Variants in RYR3 observed in about 807,000 individuals in gnomAD.
The protein encoded by RYR3 is ryanodine receptor 3, also known as brain ryanodine receptor-calcium release channel.
A neutral mutation model predicts 584.3 loss-of-function variants in RYR3; 207 were observed. The observed-to-expected ratio is 0.35, with a 90% CI of 0.32 to 0.40. The LOEUF (loss-of-function observed/expected upper bound fraction) is 0.40, where lower values mean the gene tolerates loss of function less well. Among genes scored for constraint, RYR3 ranks in the 10% least tolerant of loss-of-function variants. RYR3 has a pLI of 1.00. For missense variants in RYR3, 5,616 were observed against 6,089.2 expected (o/e 0.92, Z 2.59); for synonymous variants, 2,416 against 2,248.5 (o/e 1.07, Z -2.11).
At chr15:33,464,525 T>TACACAC (rs2048335526) in intron 1 of RYR3, among the ~76,000 whole-genome samples, 1 of 138,190 alleles carries the variant, frequency 7.2e-6, no homozygotes, top group Non-Finnish European at 1.6e-5. Context: ...CACATATATG[T>TACACAC]ACATTTATAT....
intron 4 of RYR3, among the ~76,000 whole-genome samples, chr15:33,532,931 A>G (rs1208035836): frequency 6.6e-6 from 1 of 152,162 alleles, no homozygotes; most frequent in African/African-American, 2.4e-5. Context: ...AGCCTGGGAA[A>G]CATAGATAGA....
intron 38 of RYR3, among the ~76,000 whole-genome samples, chr15:33,686,617 C>G (rs2065027953): frequency 6.6e-6 from 1 of 151,994 alleles, no homozygotes; most frequent in South Asian, 2.1e-4. Flanking sequence ...GGCAGAGACA[C>G]AACAAAAAAA....
In RYR3 at chr15:33,649,048, C is replaced by CT. The variant is rs771400965; in HGVS notation, c.3979-23dup. 8.2e-6 allele frequency: 13 copies of CT among 1,586,688 alleles called. No individual in the cohort carries two copies. In the Admixed American group the frequency reaches 2.2e-4, roughly 27 times the overall value. ...CTGGATGGGGGCTGGGGGCCATTGA[C>CT]TCCCCTCTGCGGTCTCTCCACAGCA... On this transcript the variant is annotated intron_variant, in intron 30 of 103. Transcript: ENST00000634891.
intron 1 of RYR3, among the ~76,000 whole-genome samples, chr15:33,433,497 CAA>C (rs2045383752): frequency 6.6e-6 from 1 of 151,560 alleles, no homozygotes; most frequent in Admixed American, 6.6e-5. Context: ...ATGATACACT[CAA>C]AGAAATTAAA....
chr15:33,701,372 C>T (rs2066290025), intron 42 of RYR3, among the ~76,000 whole-genome samples: 1 of 152,128 alleles, frequency 6.6e-6, no homozygotes, highest in Non-Finnish European at 1.5e-5. Flanking sequence ...CCGGTGGTTC[C>T]TAATAAAGTT....
intron 3 of RYR3, among the ~76,000 whole-genome samples, chr15:33,513,849 C>T (rs112175987): frequency 2.0e-5 from 3 of 152,150 alleles, no homozygotes; most frequent in South Asian, 2.1e-4. Context: ...CAGTGTCTAC[C>T]CGTGATGAAG....
chr15:33,394,319 A>G (rs1345678810), intron 1 of RYR3, among the ~76,000 whole-genome samples: 1 of 152,204 alleles, frequency 6.6e-6, no homozygotes, highest in Admixed American at 6.5e-5. Flanking sequence ...AGAATTCAAC[A>G]TTGTTTAAAA....
At chr15:33,809,318 G>A (rs928981985) in intron 70 of RYR3, among the ~76,000 whole-genome samples, 12 of 152,110 alleles carry the variant, frequency 7.9e-5, no homozygotes, top group East Asian at 1.9e-4. Flanking sequence ...ACCTCATAGC[G>A]TAAAGCTTTG....
intron 1 of RYR3, among the ~76,000 whole-genome samples, chr15:33,355,557 A>G (rs560436032): frequency 8.0e-4 from 122 of 152,370 alleles, no homozygotes; most frequent in African/African-American, 2.9e-3. Flanking sequence ...TGTGGAAGTC[A>G]TAAGACAATC....
chr15:33,341,148 C>T (rs886278817), intron 1 of RYR3, among the ~76,000 whole-genome samples: 1 of 152,096 alleles, frequency 6.6e-6, no homozygotes, highest in African/African-American at 2.4e-5. Flanking sequence ...AAGTGATTCT[C>T]CTGCCTCAGC....
In RYR3 at chr15:33,660,236, GAGA is replaced by G. The variant is rs1566896224; in HGVS notation, c.4440_4442del (p.Lys1480del). On this transcript the variant is annotated inframe_deletion, in exon 34 of 104. Transcript: ENST00000634891. ...GTCAGCGGCCATATTCAGGAGTGAA[GAGA>G]AGAACCCAGTCCCACAGTGTCCACC... 5 of 1,553,484 alleles carry G rather than the reference GAGA, an allele frequency of 3.2e-6. No individual in the cohort carries two copies. The highest frequency in any genetic ancestry group is 2.0e-5 in the Admixed American group (1 of 51,106).
At chr15:33,842,656 A>C (rs1485901836) in intron 91 of RYR3, among the ~76,000 whole-genome samples, 1 of 152,170 alleles carries the variant, frequency 6.6e-6, no homozygotes, top group Non-Finnish European at 1.5e-5. Flanking sequence ...AGATGGCAGC[A>C]AGAATGGGAA....
Position 33,691,813 on chromosome 15 carries a change from A to T in RYR3, c.5861-4405A>T, listed in dbSNP as rs1445092754. 2.0e-5 allele frequency among the ~76,000 whole-genome samples: 3 copies of T among 152,220 alleles called. No homozygotes were observed. The East Asian group carries it at 5.8e-4, about 29-fold the overall frequency. On this transcript the variant is annotated intron_variant, in intron 38 of 103. Transcript: ENST00000634891. The stretch of plus-strand genomic sequence containing the variant: ...GGACATCCTTCTGTGAAACGCATTT[A>T]TCTGGAAGTGTGGCAATAAAAAATA...
intron 38 of RYR3, among the ~76,000 whole-genome samples, chr15:33,682,311 T>C (rs1258140637): frequency 2.0e-5 from 3 of 152,088 alleles, no homozygotes; most frequent in Non-Finnish European, 2.9e-5. Context: ...CTCTTTGTTA[T>C]TATGTAAAAG....
At chr15:33,821,928 T>C (rs2077128581) in intron 80 of RYR3, among the ~76,000 whole-genome samples, 1 of 152,220 alleles carries the variant, frequency 6.6e-6, no homozygotes, top group Admixed American at 6.5e-5. Flanking sequence ...CCCTTTATTT[T>C]CACTAATTAG....
intron 1 of RYR3, among the ~76,000 whole-genome samples, chr15:33,413,093 T>TA (rs1486637444): frequency 6.6e-6 from 1 of 152,178 alleles, no homozygotes; most frequent in Non-Finnish European, 1.5e-5. Context: ...TTTGAAGAAA[T>TA]AAAAATGAGA....
chr15:33,802,848 C>G (rs1451910897), intron 69 of RYR3, among the ~76,000 whole-genome samples: 1 of 152,190 alleles, frequency 6.6e-6, no homozygotes, highest in Non-Finnish European at 1.5e-5. Flanking sequence ...ATTGCTGGTA[C>G]AGTGCTGCCT....
rs3794588 is a variant in RYR3 at position 33,865,074 on chromosome 15, G to T, written c.14518-57G>T. 5.1e-4 allele frequency: 706 copies of T among 1,386,590 alleles called. 5 individuals are homozygous for T. The East Asian group carries it at 0.015, about 30-fold the overall frequency. 85.9% of individuals were successfully genotyped at this position (1,386,590 alleles called of 1,614,324 possible). A position where few individuals can be genotyped will look rare whatever the true frequency, so the allele number is the denominator to read the frequency against. On this transcript the variant is annotated intron_variant, in intron 103 of 103. Coordinates refer to ENST00000634891, the MANE Select transcript of RYR3 (RefSeq NM_001036.6). ...GAGCCACAAAGAACAAAAACAAACT[G>T]GGTTTTAGCTTTTACTGTGGTTTAA...
Position 33,430,077 on chromosome 15 carries a change from A to C in RYR3, c.52-43342A>C, listed in dbSNP as rs538990841. Among the ~76,000 whole-genome samples the C allele has an allele frequency of 8.5e-5, 13 of 152,368 alleles. No individual in the cohort carries two copies. The South Asian group carries it at 2.7e-3, about 32-fold the overall frequency. ...AATTTCCAGCCAACATCAGCAAAAA[A>C]CACGAAGAGGAGGTGTACACTATTT... On this transcript the variant is annotated intron_variant, in intron 1 of 103. Coordinates refer to ENST00000634891, the MANE Select transcript of RYR3 (RefSeq NM_001036.6).
Sources: gnomAD v4.1 joint callset for allele counts (sites outside exome capture counted in the v4.1 genomes callset) on GRCh38, gnomAD v4.1.1 for gene constraint, MANE v1.5 for transcripts, NCBI Gene and HGNC (gene_info 2026-07-23, HGNC 2026-07-21) for gene names.